SNX29: variants seen among roughly 807,000 people sequenced by gnomAD.
SNX29 encodes sorting nexin-29.
A neutral mutation model predicts 102.1 loss-of-function variants in SNX29; 78 were observed. The ratio of observed to expected loss-of-function variants is 0.76; its 90% CI spans 0.64 to 0.92. SNX29 has a LOEUF of 0.92. Ranked by LOEUF, SNX29 falls within the 40% of genes least tolerant of loss-of-function variation. SNX29 has a pLI of 0.00. For synonymous variants in SNX29, 580 were observed against 414.5 expected (o/e 1.40, Z -4.85); for missense variants, 1,280 against 1,061.7 (o/e 1.21, Z -2.86).
chr16:12,260,923 T>G (rs1221347845), intron 14 of SNX29, among the ~76,000 whole-genome samples: 2 of 150,670 alleles, frequency 1.3e-5, no homozygotes. Context: ...CTCAGGTCAG[T>G]GCACGCGCCC....
intron 19 of SNX29, among the ~76,000 whole-genome samples, chr16:12,496,715 T>C (rs1445356078): frequency 6.6e-6 from 1 of 152,114 alleles, no homozygotes; most frequent in Non-Finnish European, 1.5e-5. Flanking sequence ...TTCACCATGT[T>C]GGCCAGGCCG....
At chr16:12,163,432 G>C (rs1013083655) in intron 13 of SNX29, among the ~76,000 whole-genome samples, 3 of 152,154 alleles carry the variant, frequency 2.0e-5, no homozygotes, top group Admixed American at 6.5e-5. Flanking sequence ...AGGGTGACTG[G>C]AGAGGAGCTC....
chr16:12,439,140 G>C (rs1010818885), intron 18 of SNX29, among the ~76,000 whole-genome samples: 2 of 152,194 alleles, frequency 1.3e-5, no homozygotes, highest in Admixed American at 1.3e-4. Context: ...ACCTGCTCTT[G>C]TCCTGGTTGC....
intron 20 of SNX29, among the ~76,000 whole-genome samples, chr16:12,554,766 T>TC: frequency 6.6e-6 from 1 of 152,182 alleles, no homozygotes; most frequent in East Asian, 1.9e-4. Flanking sequence ...GAACGTGCTC[T>TC]CTCCCCCGCC....
rs541000367 is a variant in SNX29, at chr16:12,356,899, G to C, written c.1899+620G>C. The stretch of plus-strand genomic sequence containing the variant: ...CCACAAATGTCTCCAGATATCGCCA[G>C]ATGTCCTCTGCATTTCAGAACCTGG... On this transcript the variant is annotated intron_variant, in intron 16 of 20. Transcript: ENST00000566228. Among the ~76,000 whole-genome samples, 4 of 152,344 alleles carry C rather than the reference G, an allele frequency of 2.6e-5. No homozygotes were observed. The East Asian group carries it at 5.8e-4, about 22-fold the overall frequency.
At chr16:12,247,886 T>C (rs964744559) in intron 14 of SNX29, among the ~76,000 whole-genome samples, 2 of 152,198 alleles carry the variant, frequency 1.3e-5, no homozygotes, top group African/African-American at 4.8e-5. Flanking sequence ...ATCTAACTTT[T>C]ATCCCAGAGA....
intron 15 of SNX29, among the ~76,000 whole-genome samples, chr16:12,316,173 G>C (rs1215717335): frequency 6.6e-6 from 1 of 152,216 alleles, no homozygotes; most frequent in Non-Finnish European, 1.5e-5. Flanking sequence ...GAGCTTGGCA[G>C]ATTGGAGGGA....
chr16:12,562,158 G>T (rs376568777), intron 20 of SNX29, among the ~76,000 whole-genome samples: 1 of 152,108 alleles, frequency 6.6e-6, no homozygotes, highest in African/African-American at 2.4e-5. Context: ...CAGGTCTGTG[G>T]AGTAAGATTG....
chr16:12,542,846 G>C (rs921146903), intron 20 of SNX29, among the ~76,000 whole-genome samples: 2 of 151,868 alleles, frequency 1.3e-5, no homozygotes. Flanking sequence ...CCCATGAGCA[G>C]TACTCAGAAA....
chr16:12,099,689 G>T (rs1214299555), intron 11 of SNX29, among the ~76,000 whole-genome samples: 73 of 152,294 alleles, frequency 4.8e-4, no homozygotes, highest in Non-Finnish European at 8.8e-5. Context: ...CAGCATCTGG[G>T]AGGACTTGCA....
intron 11 of SNX29, among the ~76,000 whole-genome samples, chr16:12,123,349 G>A (rs960792609): frequency 3.9e-5 from 6 of 152,050 alleles, no homozygotes; most frequent in South Asian, 2.1e-4. Flanking sequence ...AGTATTGTTA[G>A]CCAGAGTCCC....
chr16:12,403,232 GT>G lies in SNX29; in HGVS notation c.1956-215del, dbSNP rs1567527891. Among the ~76,000 whole-genome samples the G allele has an allele frequency of 6.0e-5, 9 of 150,500 alleles. No individual in the cohort carries two copies. In the East Asian group the frequency reaches 7.8e-4, roughly 13 times the overall value. On this transcript the variant is annotated intron_variant, in intron 17 of 20. Coordinates refer to ENST00000566228, the MANE Select transcript of SNX29 (RefSeq NM_032167.5). ...TGTGTGTGTGTGTGTGTGTGTGTGT[GT>G]GTGTGTGTGTGTGTGTGTGTGTAGA...
intron 15 of SNX29, among the ~76,000 whole-genome samples, chr16:12,335,199 C>CT (rs1374744351): frequency 6.6e-6 from 1 of 152,058 alleles, no homozygotes; most frequent in Admixed American, 6.5e-5. Context: ...TCTTAAATGT[C>CT]TGAGTTATAG....
chr16:12,517,767 A>G (rs1300959286), intron 19 of SNX29, among the ~76,000 whole-genome samples: 1 of 152,104 alleles, frequency 6.6e-6, no homozygotes, highest in Non-Finnish European at 1.5e-5. Flanking sequence ...CCAGGAAGCA[A>G]CGAGTGCTTT....
intron 20 of SNX29, among the ~76,000 whole-genome samples, chr16:12,539,484 CATAAAGGA>C (rs1272084563): frequency 6.6e-6 from 1 of 152,154 alleles, no homozygotes. Flanking sequence ...TTTATCTAGT[CATAAAGGA>C]ATAAAGTTGC....
intron 14 of SNX29, among the ~76,000 whole-genome samples, chr16:12,222,734 A>T (rs939648683): frequency 2.6e-5 from 4 of 152,010 alleles, no homozygotes; most frequent in Non-Finnish European, 5.9e-5. Flanking sequence ...ATGCCCAGCT[A>T]ATTTTTGTAT....
intron 18 of SNX29, among the ~76,000 whole-genome samples, chr16:12,457,520 C>T (rs1350187931): frequency 6.6e-6 from 1 of 152,210 alleles, no homozygotes; most frequent in Non-Finnish European, 1.5e-5. Flanking sequence ...TCTTTCTCTA[C>T]TGCTTCAGGA....
Position 12,356,399 on chromosome 16 carries a change from C to T in SNX29, c.1899+120C>T, listed in dbSNP as rs916138233. 9 of 768,206 alleles carry T rather than the reference C, an allele frequency of 1.2e-5. No homozygotes were observed. The African/African-American group carries it at 1.6e-4, about 13-fold the overall frequency. 47.6% of individuals were successfully genotyped at this position (768,206 alleles called of 1,614,324 possible). The stretch of plus-strand genomic sequence containing the variant: ...TCCACTGGCCAGATTTGCCCACATT[C>T]ACCTCTGCCACATTTGCTTTTTATT... On this transcript the variant is annotated intron_variant, in intron 16 of 20. Coordinates refer to ENST00000566228, the MANE Select transcript of SNX29 (RefSeq NM_032167.5).
At chr16:12,528,888 A>G (rs2076857693) in intron 20 of SNX29, among the ~76,000 whole-genome samples, 1 of 152,216 alleles carries the variant, frequency 6.6e-6, no homozygotes, top group African/African-American at 2.4e-5. Flanking sequence ...AGGAAAGATA[A>G]AAACCAGTGG....
Sources: gnomAD v4.1 joint callset for allele counts (sites outside exome capture counted in the v4.1 genomes callset) on GRCh38, gnomAD v4.1.1 for gene constraint, MANE v1.5 for transcripts, NCBI Gene and HGNC (gene_info 2026-07-23, HGNC 2026-07-21) for gene names.